The following SERAC1 variants were observed in gnomAD, a reference collection of about 807,000 sequenced individuals.
SERAC1 encodes protein SERAC1.
A neutral mutation model predicts 85.7 loss-of-function variants in SERAC1; 36 were observed. That is an observed-to-expected ratio of 0.42 (90% CI 0.32 to 0.55). SERAC1 has a LOEUF of 0.55. SERAC1 is among the 20% of genes least tolerant of loss of function. The pLI is 0.11. For missense variants in SERAC1, 629 were observed against 796.2 expected (o/e 0.79, Z 2.53); for synonymous variants, 242 against 265.3 (o/e 0.91, Z 0.85).
intron 15 of SERAC1, chr6:158,114,392 T>TATC (rs750460909): frequency 2.7e-6 from 2 of 741,040 alleles, no homozygotes; most frequent in East Asian, 1.1e-4. Flanking sequence ...GAAAACTGCT[T>TATC]ATCAAACCAG....
chr6:158,129,487 C>T (rs1483941777), intron 9 of SERAC1, among the ~76,000 whole-genome samples: 2 of 152,188 alleles, frequency 1.3e-5, no homozygotes, highest in African/African-American at 4.8e-5. Flanking sequence ...AAACTTGATA[C>T]AAGTGAGTGG....
At chr6:158,125,608 A>C (rs1784521594) in intron 10 of SERAC1, among the ~76,000 whole-genome samples, 1 of 152,048 alleles carries the variant, frequency 6.6e-6, no homozygotes, top group African/African-American at 2.4e-5. Context: ...CCAAACATAT[A>C]CTCCCAGCTA....
At chr6:158,131,750 C>T (rs1269841705) in intron 8 of SERAC1, among the ~76,000 whole-genome samples, 1 of 152,068 alleles carries the variant, frequency 6.6e-6, no homozygotes, top group African/African-American at 2.4e-5. Context: ...GATGCTCACA[C>T]ACAGGGAAAG....
chr6:158,124,782 C>CACAG (rs1008179098), intron 10 of SERAC1, among the ~76,000 whole-genome samples: 4 of 129,772 alleles, frequency 3.1e-5, no homozygotes, highest in African/African-American at 1.3e-4. Flanking sequence ...CACACACACA[C>CACAG]ACACACATAC....
At chr6:158,150,074 A>C (rs1785167022) in intron 4 of SERAC1, among the ~76,000 whole-genome samples, 1 of 152,228 alleles carries the variant, frequency 6.6e-6, no homozygotes. Context: ...AATATATCTC[A>C]TGAGTTTGGT....
At position 158,120,654 on chromosome 6, in the gene SERAC1, T is replaced by C; in HGVS notation, c.1016-79A>G. On this transcript the variant is annotated intron_variant, in intron 10 of 16. Coordinates refer to ENST00000647468, the MANE Select transcript of SERAC1 (RefSeq NM_032861.4). The surrounding 1 kb of genome is among the most constrained non-coding windows in gnomAD (Gnocchi z 4.4). ...AGAGAGAGTGAGGTTTCAAACTGAA[T>C]ATGATGGGAGAAAGGCAAACCTTGC... 1 of 1,472,974 alleles carries C rather than the reference T, an allele frequency of 6.8e-7. No homozygotes were observed. Among genetic ancestry groups the C allele is most frequent in the South Asian group, 1.3e-5 (1 of 78,506 alleles). The allele number at this position is 1,472,974 out of a possible 1,614,324, so 91.2% of individuals were successfully genotyped here.
rs777903964 is a variant in SERAC1 at position 158,158,332 on chromosome 6, C to T, written c.32G>A (p.Cys11Tyr). The change falls in exon 2 of 17, where the codon TGC becomes TAC. Residue 11 changes from cysteine (C) to tyrosine (Y), a missense_variant. Transcript: ENST00000647468. Reference sequence around the variant, plus strand: ...GGAAGTAGAGGTTCCTATTCTTCTGCAACAGATGACGCAATAAGCAGCCAG... The same window carrying T: ...GGAAGTAGAGGTTCCTATTCTTCTGTAACAGATGACGCAATAAGCAGCCAG... MSLAAYCVIC[C>Y]RRIGTSTSPP... The T allele has an allele frequency of 1.9e-6, 3 of 1,613,796 alleles. No homozygotes were observed. Among genetic ancestry groups the T allele is most frequent in the Non-Finnish European group, 1.7e-6 (2 of 1,179,788 alleles).
intron 12 of SERAC1, 83 bp downstream of exon 12, chr6:158,118,946 A>C: frequency 6.6e-7 from 1 of 1,513,486 alleles, no homozygotes. Context: ...ATCCCAGAAC[A>C]AAGAGAAAAA....
At chr6:158,158,450 C>A in intron 1 of SERAC1, 86 bp from the exon 2 acceptor site, 1 of 962,954 alleles carries the variant, frequency 1.0e-6, no homozygotes, top group South Asian at 1.5e-5. Flanking sequence ...GTTACCATCA[C>A]AGTGGATGAC....
intron 10 of SERAC1, among the ~76,000 whole-genome samples, chr6:158,126,536 T>A (rs55710312): frequency 0.031 from 4,676 of 152,144 alleles, 223 homozygotes; most frequent in African/African-American, 0.11. Context: ...TCCAGTAGAA[T>A]GCCAAATGCT....
At chr6:158,138,412 G>A (rs1365617372) in intron 8 of SERAC1, among the ~76,000 whole-genome samples, 2 of 147,550 alleles carry the variant, frequency 1.4e-5, no homozygotes, top group Non-Finnish European at 3.0e-5. Flanking sequence ...TCCAGCCTGG[G>A]TGACAAGAGG....
chr6:158,123,264 G>A (rs1271847888), intron 10 of SERAC1, among the ~76,000 whole-genome samples: 1 of 152,162 alleles, frequency 6.6e-6, no homozygotes, highest in Non-Finnish European at 1.5e-5. Context: ...TGTGATCAGA[G>A]GGTCCAGCTA....
Position 158,119,520 on chromosome 6 carries a change from G to A in SERAC1, c.1167-350C>T, listed in dbSNP as rs1356074236. On this transcript the variant is annotated intron_variant, in intron 11 of 16. Coordinates refer to ENST00000647468, the MANE Select transcript of SERAC1 (RefSeq NM_032861.4). This position sits in a 1 kb window ranked among gnomAD's most constrained non-coding sequence, Gnocchi z 4.5. ...TCTACAAATCAATAAAAGTATTTAA[G>A]AAATTAAAGAAGAACGTGCTAATAA... 6.6e-6 allele frequency among the ~76,000 whole-genome samples: 1 copy of A among 152,122 alleles called. No individual in the cohort carries two copies. The highest frequency in any genetic ancestry group is 2.4e-5 in the African/African-American group (1 of 41,418).
chr6:158,146,963 T>A, intron 5 of SERAC1, 50 bp from the exon 6 acceptor site: 2 of 1,565,822 alleles, frequency 1.3e-6, no homozygotes, highest in Non-Finnish European at 1.8e-6. Flanking sequence ...AGATAATACT[T>A]TTATCTTCAC....
Position 158,158,295 on chromosome 6 carries a change from A to C in SERAC1, c.69T>G (p.Ser23Arg), listed in dbSNP as rs754908475. Residue 23 changes from serine (S) to arginine (R), a missense_variant, in exon 2 of 17, where the codon AGT (serine) becomes AGG (arginine). Transcript: ENST00000647468. ...RIGTSTSPPK[S>R]GTHWRDIRNI... The stretch of plus-strand genomic sequence containing the variant: ...CACTGATATCTCTCCAGTGTGTGCC[A>C]CTTTTTGGTGGGGAAGTAGAGGTTC... 15 of 1,613,200 alleles carry C rather than the reference A, an allele frequency of 9.3e-6. No homozygotes were observed. The South Asian group carries it at 1.4e-4, about 15-fold the overall frequency.
At chr6:158,149,343 A>T (rs1481530143) in intron 4 of SERAC1, among the ~76,000 whole-genome samples, 1 of 152,222 alleles carries the variant, frequency 6.6e-6, no homozygotes, top group African/African-American at 2.4e-5. Context: ...GATATGTATA[A>T]ACTCCATATT....
rs983405109 is a variant in SERAC1 at position 158,120,732 on chromosome 6, G to A, written c.1016-157C>T. 6.6e-6 allele frequency among the ~76,000 whole-genome samples: 1 copy of A among 151,974 alleles called. No homozygotes were observed. Among genetic ancestry groups the A allele is most frequent in the African/African-American group, 2.4e-5 (1 of 41,352 alleles). ...CTATTCCAACCCCATTCTGCCCTAC[G>A]ATCCTCTGAGACCTGTGGCACAATA... On this transcript the variant is annotated intron_variant, in intron 10 of 16. Coordinates refer to ENST00000647468, the MANE Select transcript of SERAC1 (RefSeq NM_032861.4). The surrounding 1 kb of genome is among the most constrained non-coding windows in gnomAD (Gnocchi z 4.4).
At position 158,143,305 on chromosome 6, in the gene SERAC1, G is replaced by GTCTC. The variant is rs753181670; in HGVS notation, c.610-125_610-122dup. 4.0e-4 allele frequency: 240 copies of GTCTC among 606,128 alleles called. 1 individual carries two copies. Among genetic ancestry groups the GTCTC allele is most frequent in the South Asian group, 8.2e-4 (24 of 29,434 alleles). The allele number at this position is 606,128 out of a possible 1,614,324, so 37.5% of individuals were successfully genotyped here. On this transcript the variant is annotated intron_variant, in intron 7 of 16. Transcript: ENST00000647468. ...TCAAAGCCATATATTATGTGTGCATGTCTCTCTCTCTCTCTCTCTCTCTCT... is the reference window on the plus strand; with the variant it reads ...TCAAAGCCATATATTATGTGTGCATGTCTCTCTCTCTCTCTCTCTCTCTCTCTCT...
At chr6:158,167,274 C>T (rs887737356) in intron 1 of SERAC1, among the ~76,000 whole-genome samples, 1 of 145,824 alleles carries the variant, frequency 6.9e-6, no homozygotes, top group East Asian at 2.0e-4. Context: ...CGCGGTGGCT[C>T]ACACCTGTAA....
Sources: gnomAD v4.1 joint callset for allele counts (sites outside exome capture counted in the v4.1 genomes callset) on GRCh38, gnomAD v4.1.1 for gene constraint, Gnocchi (gnomAD v3.1) non-coding constraint, MANE v1.5 for transcripts, NCBI Gene and HGNC (gene_info 2026-07-23, HGNC 2026-07-21) for gene names.